The following CAV3 variants were observed in gnomAD, a reference collection of about 807,000 sequenced individuals.
CAV3 encodes caveolin 3, also known as caveolin-3.
Under a neutral mutation model 13.4 loss-of-function variants are expected in CAV3, and 10 were observed. The observed-to-expected ratio is 0.75, with a 90% CI of 0.46 to 1.27. The LOEUF (loss-of-function observed/expected upper bound fraction) is 1.27. CAV3 is among the 50% of genes most tolerant of loss of function. The pLI, the probability that CAV3 is intolerant of heterozygous loss-of-function variation, is 0.00. For missense variants in CAV3, 162 were observed against 194.0 expected, an observed-to-expected ratio of 0.83 and a Z score of 0.98; for synonymous variants, 90 against 79.0, an observed-to-expected ratio of 1.14 and a Z score of -0.74.
At chr3:8,740,714 G>T (rs1473563393) in intron 1 of CAV3, among the ~76,000 whole-genome samples, 1 of 152,200 alleles carries the variant, frequency 6.6e-6, no homozygotes, top group Non-Finnish European at 1.5e-5. Flanking sequence ...TAGGATGGGG[G>T]TAGATATATG....
intron 1 of CAV3, among the ~76,000 whole-genome samples, chr3:8,743,762 C>T (rs916925182): frequency 6.6e-6 from 1 of 152,208 alleles, no homozygotes; most frequent in African/African-American, 2.4e-5. Flanking sequence ...GAGGGCCCAA[C>T]ACTGTCTGAG....
At chr3:8,743,732 G>A (rs1708052464) in intron 1 of CAV3, among the ~76,000 whole-genome samples, 1 of 152,140 alleles carries the variant, frequency 6.6e-6, no homozygotes, top group African/African-American at 2.4e-5. Context: ...GAGCTCAGAA[G>A]CTAAAGTCAC....
At chr3:8,741,767 G>T (rs1245216241) in intron 1 of CAV3, among the ~76,000 whole-genome samples, 1 of 152,084 alleles carries the variant, frequency 6.6e-6, no homozygotes, top group Admixed American at 6.5e-5. Flanking sequence ...TCGACCCCGG[G>T]TGACTGTTGT....
rs1435452401 is a variant in CAV3, at chr3:8,745,924, C to T, written c.*57C>T. ...GGGGGTGGTGGGCCAGACTGGTCCC[C>T]GGGGGACTTCTTCACAGGGGCTGCT... On this transcript the variant is annotated 3_prime_UTR_variant, in exon 2 of 2. Coordinates refer to ENST00000343849, the MANE Select transcript of CAV3 (RefSeq NM_033337.3). This position sits in a 1 kb window ranked among gnomAD's most constrained non-coding sequence, Gnocchi z 4.8. 17 of 1,428,246 alleles carry T rather than the reference C, an allele frequency of 1.2e-5. No homozygotes were observed. Among genetic ancestry groups the T allele is most frequent in the South Asian group, 8.5e-5 (7 of 81,998 alleles). 88.5% of individuals were successfully genotyped at this position (1,428,246 alleles called of 1,614,324 possible).
intron 1 of CAV3, 48 bp downstream of exon 1, chr3:8,734,038 G>C: frequency 9.4e-7 from 1 of 1,061,060 alleles, no homozygotes; most frequent in South Asian, 1.3e-5. Flanking sequence ...TCAGGTTTGC[G>C]AGACGTGGGC....
In CAV3 at chr3:8,733,897, A is replaced by G; in HGVS notation, c.21A>G (p.Thr7=). 6.2e-7 allele frequency: 1 copy of G among 1,611,506 alleles called. No individual in the cohort carries two copies. Among genetic ancestry groups the G allele is most frequent in the Non-Finnish European group, 8.5e-7 (1 of 1,177,664 alleles). The change falls in exon 1 of 2, where the codon ACA becomes ACG. Residue 7 remains threonine (T), a synonymous_variant. Coordinates refer to ENST00000343849, the MANE Select transcript of CAV3 (RefSeq NM_033337.3). ...CTGCGATGATGGCAGAAGAGCACAC[A>G]GATCTCGAGGCCCAGATCGTCAAGG... MMAEEH[T]DLEAQIVKDI...
At chr3:8,739,804 C>A (rs765634668) in intron 1 of CAV3, among the ~76,000 whole-genome samples, 7 of 152,112 alleles carry the variant, frequency 4.6e-5, no homozygotes, top group Non-Finnish European at 5.9e-5. Flanking sequence ...AGGAAACAAC[C>A]ATTTTTTTAT....
chr3:8,744,402 C>T (rs1708077429), intron 1 of CAV3, among the ~76,000 whole-genome samples: 2 of 151,560 alleles, frequency 1.3e-5, no homozygotes, highest in Admixed American at 6.6e-5. Context: ...CCTCAGCCTC[C>T]CAAGTAGCTG....
In CAV3 at chr3:8,745,772, T is replaced by G; in HGVS notation, c.361T>G (p.Tyr121Asp). 2.5e-6 allele frequency: 4 copies of G among 1,614,106 alleles called. No individual in the cohort carries two copies. The highest frequency in any genetic ancestry group is 3.4e-6 in the Non-Finnish European group (4 of 1,180,032). The change falls in exon 2 of 2, where the codon TAC (tyrosine) becomes GAC (aspartate). Residue 121 changes from tyrosine to aspartate, a missense_variant. Coordinates refer to ENST00000343849, the MANE Select transcript of CAV3 (RefSeq NM_033337.3). This position sits in a 1 kb window ranked among gnomAD's most constrained non-coding sequence, Gnocchi z 4.8. ...LIEIQCISHI[Y>D]SLCIRTFCNP... ...CGAGATCCAGTGCATCAGCCACATC[T>G]ACTCACTCTGCATCCGCACCTTCTG...
At chr3:8,738,077 T>A (rs1349593246) in intron 1 of CAV3, among the ~76,000 whole-genome samples, 1 of 151,908 alleles carries the variant, frequency 6.6e-6, no homozygotes, top group African/African-American at 2.4e-5. Flanking sequence ...CTTCTCTCTC[T>A]ATCTCCCTTT....
At chr3:8,735,083 G>T (rs969729048) in intron 1 of CAV3, among the ~76,000 whole-genome samples, 1 of 152,156 alleles carries the variant, frequency 6.6e-6, no homozygotes, top group Non-Finnish European at 1.5e-5. Context: ...GTCACTGGAG[G>T]GGCTGTTAAG....
At chr3:8,743,606 G>C (rs1016791128) in intron 1 of CAV3, among the ~76,000 whole-genome samples, 5 of 152,186 alleles carry the variant, frequency 3.3e-5, no homozygotes, top group African/African-American at 7.2e-5. Context: ...CTGCAGCCCA[G>C]AGTCTCACCC....
chr3:8,741,644 T>C (rs1444837579), intron 1 of CAV3, among the ~76,000 whole-genome samples: 1 of 152,170 alleles, frequency 6.6e-6, no homozygotes, highest in Non-Finnish European at 1.5e-5. Context: ...TGGGACCATA[T>C]ACCTCCCCAC....
At chr3:8,737,975 T>G (rs140972320) in intron 1 of CAV3, among the ~76,000 whole-genome samples, 200 of 151,852 alleles carry the variant, frequency 1.3e-3, no homozygotes, top group African/African-American at 4.2e-3. Flanking sequence ...GACAGCATGC[T>G]CTCTCTCTCT....
At chr3:8,740,643 G>C (rs1412283271) in intron 1 of CAV3, among the ~76,000 whole-genome samples, 1 of 152,164 alleles carries the variant, frequency 6.6e-6, no homozygotes, top group East Asian at 1.9e-4. Context: ...TTATGCCCCA[G>C]CCCAGGTGTC....
chr3:8,742,857 T>G (rs1224016306), intron 1 of CAV3, among the ~76,000 whole-genome samples: 3 of 152,148 alleles, frequency 2.0e-5, no homozygotes, highest in Non-Finnish European at 4.4e-5. Flanking sequence ...TGTTTTTCAT[T>G]GCTATAAAGG....
chr3:8,744,793 G>A (rs1014464890), intron 1 of CAV3: 1 of 152,296 alleles, frequency 6.6e-6, no homozygotes, highest in Non-Finnish European at 1.5e-5. Flanking sequence ...TAGAATTTGA[G>A]AGCTGCGACT....
In CAV3 at chr3:8,745,900, G is replaced by A; in HGVS notation, c.*33G>A. On this transcript the variant is annotated 3_prime_UTR_variant, in exon 2 of 2. Coordinates refer to ENST00000343849, the MANE Select transcript of CAV3 (RefSeq NM_033337.3). This position sits in a 1 kb window ranked among gnomAD's most constrained non-coding sequence, Gnocchi z 4.8. ...TGGGGCAACAGCGGTGGCAGGGCAG[G>A]GGGTGGTGGGCCAGACTGGTCCCCG... 6.3e-7 allele frequency: 1 copy of A among 1,580,964 alleles called. No homozygotes were observed. The highest frequency in any genetic ancestry group is 8.6e-7 in the Non-Finnish European group (1 of 1,159,404).
intron 1 of CAV3, among the ~76,000 whole-genome samples, chr3:8,737,472 A>G (rs533262543): frequency 1.3e-5 from 2 of 152,068 alleles, no homozygotes; most frequent in East Asian, 1.9e-4. Context: ...GAGGGGAGGC[A>G]CCCCTTTTTG....
Sources: allele counts gnomAD v4.1 joint callset (sites outside exome capture counted in the v4.1 genomes callset), GRCh38; gene constraint gnomAD v4.1.1; non-coding constraint Gnocchi (gnomAD v3.1); transcripts MANE v1.5; gene names NCBI Gene and HGNC (gene_info 2026-07-23, HGNC 2026-07-21).